WDR24: variants seen among roughly 807,000 people sequenced by gnomAD.
WDR24 encodes GATOR2 complex protein WDR24.
In WDR24, 32 loss-of-function variants were observed where a neutral mutation model predicts 66.7. That is an observed-to-expected ratio of 0.48 (90% CI 0.36 to 0.64). The LOEUF is 0.64. Ranked by LOEUF, WDR24 falls within the 30% of genes least tolerant of loss-of-function variation. WDR24 has a pLI of 0.00. For missense variants in WDR24, 978 were observed against 1,144.1 expected (o/e 0.85, Z 2.09); for synonymous variants, 565 against 469.1 (o/e 1.20, Z -2.64).
chr16:687,282 T>C lies in WDR24; in HGVS notation c.794A>G (p.His265Arg), dbSNP rs917064151. ...ARVKWRPECR[H>R]HLATCSMMVD... ...CATCATGGAGCACGTGGCCAGGTGGTGGCGGCACTCTGGCCGCCACTTCAC... is the reference window on the plus strand; with the variant it reads ...CATCATGGAGCACGTGGCCAGGTGGCGGCGGCACTCTGGCCGCCACTTCAC... The change falls in exon 3 of 9, where the codon CAC becomes CGC. Residue 265 changes from histidine (H) to arginine (R), a missense_variant. Physicochemically the swap from His to Arg is conservative, Grantham distance 29. This residue lies in a region of WDR24 where 302 missense variants were observed against 526.6 expected (regional missense o/e 0.57). Transcript: ENST00000293883. 25 of 1,611,300 alleles carry C rather than the reference T, an allele frequency of 1.6e-5. No individual in the cohort carries two copies. Among genetic ancestry groups the C allele is most frequent in the Non-Finnish European group, 2.0e-5 (24 of 1,179,766 alleles).
At chr16:686,410 G>T (rs968717818) in intron 3 of WDR24, among the ~76,000 whole-genome samples, 14 of 152,338 alleles carry the variant, frequency 9.2e-5, no homozygotes, top group African/African-American at 3.4e-4. Flanking sequence ...GTGGGGACTT[G>T]CGGGGCAGCT....
chr16:688,433 G>A (rs1431087343), intron 1 of WDR24, among the ~76,000 whole-genome samples: 4 of 152,208 alleles, frequency 2.6e-5, no homozygotes, highest in Non-Finnish European at 5.9e-5. Flanking sequence ...GATTACAGGC[G>A]CGTGCCACTG....
In WDR24 at chr16:685,881, TGA is replaced by T. The variant is rs764945381; in HGVS notation, c.1559_1560del (p.Leu520HisfsTer4). ...DTVLLDSSAT[L>X]ITNEDNEETE... ...CACCCCAGCCTACCCTCATTGGTGA[TGA>T]GTGTGGCCGAGGAGTCGAGCAGAAC... On this transcript the variant is annotated frameshift_variant, in exon 5 of 9. Coordinates refer to ENST00000293883, the MANE Select transcript of WDR24 (RefSeq NM_032259.4). LOFTEE classifies it high-confidence loss of function. The T allele has an allele frequency of 1.2e-6, 2 of 1,612,900 alleles. No homozygotes were observed. Among genetic ancestry groups the T allele is most frequent in the African/African-American group, 1.3e-5 (1 of 74,842 alleles).
Position 690,133 on chromosome 16 carries a change from G to A in WDR24, c.-493C>T, listed in dbSNP as rs2039949879. 2 of 441,580 alleles carry A rather than the reference G, an allele frequency of 4.5e-6. No individual in the cohort carries two copies. The highest frequency in any genetic ancestry group is 2.5e-5 in the Admixed American group (1 of 40,644). 27.4% of individuals were successfully genotyped at this position (441,580 alleles called of 1,614,324 possible). A position where few individuals can be genotyped will look rare whatever the true frequency, so the allele number is the denominator to read the frequency against. On this transcript the variant is annotated 5_prime_UTR_variant, in exon 1 of 9. Coordinates refer to ENST00000293883, the MANE Select transcript of WDR24 (RefSeq NM_032259.4). Reference sequence around the variant, plus strand: ...AGGGAACAGAGGGCTAGAGGGGCCCGGGGACTCAGGCGATAGACGCGGGAA... The same window carrying A: ...AGGGAACAGAGGGCTAGAGGGGCCCAGGGACTCAGGCGATAGACGCGGGAA...
intron 3 of WDR24, 71 bp downstream of exon 3, chr16:686,673 C>T (rs770697939): frequency 4.6e-6 from 7 of 1,508,228 alleles, no homozygotes; most frequent in Non-Finnish European, 6.2e-6. Flanking sequence ...GGGGTGAGCG[C>T]AGCTGACGGA....
rs767920180 is a variant in WDR24, at chr16:685,885, T to C, written c.1557A>G (p.Thr519=). The C allele has an allele frequency of 1.4e-5, 22 of 1,612,164 alleles. No homozygotes were observed. Among genetic ancestry groups the C allele is most frequent in the Admixed American group, 1.7e-5 (1 of 59,918 alleles). Residue 519 remains threonine (T), a synonymous_variant, in exon 5 of 9, where the codon ACA becomes ACG. Coordinates refer to ENST00000293883, the MANE Select transcript of WDR24 (RefSeq NM_032259.4). ...CCAGCCTACCCTCATTGGTGATGAG[T>C]GTGGCCGAGGAGTCGAGCAGAACTG... The part of the protein sequence containing the change: ...SDTVLLDSSA[T]LITNEDNEET...
rs746140265 is a variant in WDR24 at position 689,434 on chromosome 16, G to C, written c.207C>G (p.Arg69=). Residue 69 remains arginine, a synonymous_variant, in exon 1 of 9, where the codon CGC becomes CGG. Coordinates refer to ENST00000293883, the MANE Select transcript of WDR24 (RefSeq NM_032259.4). ...CACAGCTCAGGTTAAGCGAAGGCTT[G>C]CGCCCCACACGCAGGTTCAGCTTTT... The part of the protein sequence containing the change: ...FVEKLNLRVG[R]KPSLNLSCAD... 6.2e-7 allele frequency: 1 copy of C among 1,613,690 alleles called. No individual in the cohort carries two copies. The highest frequency in any genetic ancestry group is 1.7e-5 in the Admixed American group (1 of 60,028).
rs536126296 is a variant in WDR24 at position 685,132 on chromosome 16, G to A, written c.2064C>T (p.Arg688=). 11 of 1,562,078 alleles carry A rather than the reference G, an allele frequency of 7.0e-6. No homozygotes were observed. Among genetic ancestry groups the A allele is most frequent in the East Asian group, 4.8e-5 (2 of 41,530 alleles). ...CCACCTCGTTGGACACGTTCCAGAGGCGGAAGCGCTGCAGCAGGTCGATGT... is the reference window on the plus strand; with the variant it reads ...CCACCTCGTTGGACACGTTCCAGAGACGGAAGCGCTGCAGCAGGTCGATGT... The part of the protein sequence containing the change: ...TSYIDLLQRF[R]LWNVSNEVVK... Residue 688 remains arginine (R), a synonymous_variant, in exon 8 of 9, where the codon CGC becomes CGT. Coordinates refer to ENST00000293883, the MANE Select transcript of WDR24 (RefSeq NM_032259.4).
rs922770037 is a variant in WDR24 at position 690,332 on chromosome 16, T to C, written c.-692A>G. The C allele has an allele frequency of 1.9e-4, 86 of 455,694 alleles. No homozygotes were observed. Among genetic ancestry groups the C allele is most frequent in the Non-Finnish European group, 3.4e-4 (76 of 226,532 alleles). 28.2% of individuals were successfully genotyped at this position (455,694 alleles called of 1,614,324 possible). ...ACCAGAGGGCCCGGGGCAGCCCTTC[T>C]CCCCCGCGCGAACCCCAATCTTTTA... On this transcript the variant is annotated 5_prime_UTR_variant, in exon 1 of 9. Coordinates refer to ENST00000293883, the MANE Select transcript of WDR24 (RefSeq NM_032259.4).
rs753396009 is a variant in WDR24, at chr16:689,398, G to A, written c.243C>T (p.Val81=). The A allele has an allele frequency of 6.2e-7, 1 of 1,613,670 alleles. No homozygotes were observed. Among genetic ancestry groups the A allele is most frequent in the East Asian group, 2.2e-5 (1 of 44,886 alleles). Residue 81 remains valine (V), a synonymous_variant, in exon 1 of 9, where the codon GTC becomes GTT. Transcript: ENST00000293883. ...GCAGGTTCTCATCCATCTGGTGCCA[G>A]ACCACGTCAGCACAGCTCAGGTTAA... ...PSLNLSCADV[V]WHQMDENLLA... is the part of the protein sequence containing the mutation.
In WDR24 at chr16:687,654, C is replaced by T. The variant is rs1436375211; in HGVS notation, c.567G>A (p.Gln189=). 6.2e-7 allele frequency: 1 copy of T among 1,613,662 alleles called. No homozygotes were observed. Residue 189 remains glutamine (Q), a synonymous_variant, in exon 2 of 9, where the codon CAG becomes CAA. Coordinates refer to ENST00000293883, the MANE Select transcript of WDR24 (RefSeq NM_032259.4). ...GGTCGGGACGCCGGATGTCCCAGAG[C>T]TGCACATTGCCGTTCTCAAAGGTGG... ...FASTFENGNV[Q]LWDIRRPDRC...
chr16:685,076 C>T lies in WDR24; in HGVS notation c.2120G>A (p.Cys707Tyr), dbSNP rs1311105265. The part of the protein sequence containing the change: ...VKLSTSRAVS[C>Y]LNQASTTLHV... ...CAGGGTGGTGGAGGCCTGGTTGAGG[C>T]AGCTGACGGCGCGGCTGGTGCTCAG... Residue 707 changes from cysteine (C) to tyrosine (Y), a missense_variant, in exon 8 of 9, where the codon TGC (cysteine) becomes TAC (tyrosine). Physicochemically the swap from Cys to Tyr is radical, Grantham distance 194 (BLOSUM62 -2). Around this residue, in one of 2 missense-constraint regions of WDR24, gnomAD observed 676 missense variants for 617.5 expected, o/e 1.09. Coordinates refer to ENST00000293883, the MANE Select transcript of WDR24 (RefSeq NM_032259.4). 1.3e-6 allele frequency: 2 copies of T among 1,557,472 alleles called. No individual in the cohort carries two copies. The highest frequency in any genetic ancestry group is 1.7e-6 in the Non-Finnish European group (2 of 1,151,580).
chr16:687,085 C>T lies in WDR24; in HGVS notation c.991G>A (p.Ala331Thr), dbSNP rs772022945. 10 of 1,607,366 alleles carry T rather than the reference C, an allele frequency of 6.2e-6. No individual in the cohort carries two copies. The highest frequency in any genetic ancestry group is 4.0e-5 in the African/African-American group (3 of 74,876). Residue 331 changes from alanine to threonine, a missense_variant, in exon 3 of 9, where the codon GCC (alanine) becomes ACC (threonine). Transcript: ENST00000293883. ...TTGGCGCGCTCGACGGGCTGGCTGG[C>T]GTCGCGGAACAGGTGCTGGCACAGC... ...SSLCQHLFRD[A>T]SQPVERANPE...
intron 3 of WDR24, among the ~76,000 whole-genome samples, chr16:686,506 G>T (rs1418876269): frequency 6.6e-6 from 1 of 152,010 alleles, no homozygotes; most frequent in African/African-American, 2.4e-5. Context: ...AGAACAGAGA[G>T]CTTGAGCCAC....
intron 4 of WDR24, 26 bp from the exon 5 acceptor site, chr16:686,016 G>C (rs764931737): frequency 8.1e-6 from 13 of 1,612,690 alleles, no homozygotes; most frequent in Admixed American, 3.3e-5. Context: ...GCCCATGGGT[G>C]GGTGGGCTCG....
rs776362868 is a variant in WDR24, at chr16:684,830, G to C, written c.2277C>G (p.Gly759=). The change falls in exon 9 of 9, where the codon GGC becomes GGG. Residue 759 remains glycine (G), a synonymous_variant. Coordinates refer to ENST00000293883, the MANE Select transcript of WDR24 (RefSeq NM_032259.4). ...VVKGLFVWCQ[G]CSHGGHLQHI... The stretch of plus-strand genomic sequence containing the variant: ...GCTGCAGGTGGCCGCCGTGGCTGCA[G>C]CCCTGGCACCACACGAAGAGACCCT... 3 of 1,547,686 alleles carry C rather than the reference G, an allele frequency of 1.9e-6. No individual in the cohort carries two copies. The Admixed American group carries it at 5.8e-5, about 30-fold the overall frequency.
Position 686,971 on chromosome 16 carries a change from A to T in WDR24, c.1105T>A (p.Tyr369Asn), listed in dbSNP as rs764406605. Residue 369 changes from tyrosine (Y) to asparagine (N), a missense_variant, in exon 3 of 9, where the codon TAC becomes AAC. Tyr to Asn is a moderately radical substitution (Grantham distance 143). Transcript: ENST00000293883. ...LVAAESGRKP[Y>N]TGDRRHPIFF... is the part of the protein sequence containing the mutation. ...ATGGGGTGGCGCCGGTCGCCAGTGT[A>T]GGGCTTGCGCCCCGACTCGGCAGCC... is the stretch of plus-strand genomic sequence containing the variant. 2 of 1,599,914 alleles carry T rather than the reference A, an allele frequency of 1.3e-6. No individual in the cohort carries two copies. The highest frequency in any genetic ancestry group is 2.7e-5 in the African/African-American group (2 of 74,800).
Position 684,719 on chromosome 16 carries a change from C to T in WDR24, c.*15G>A. Reference sequence around the variant, plus strand: ...TCTGCACGCGGCCGCCCGGGCAAGCCCAGCAGATGCCCCGTCAGGAGTACT... The same window carrying T: ...TCTGCACGCGGCCGCCCGGGCAAGCTCAGCAGATGCCCCGTCAGGAGTACT... On this transcript the variant is annotated 3_prime_UTR_variant, in exon 9 of 9. Coordinates refer to ENST00000293883, the MANE Select transcript of WDR24 (RefSeq NM_032259.4). The T allele has an allele frequency of 6.3e-7, 1 of 1,579,218 alleles. No individual in the cohort carries two copies.
At chr16:686,264 C>CA in intron 3 of WDR24, 78 bp from the exon 4 acceptor site, 1 of 1,496,300 alleles carries the variant, frequency 6.7e-7, no homozygotes, top group Admixed American at 1.8e-5. Flanking sequence ...CCTGGACAGT[C>CA]ACAAGCCCTC....
Sources: allele counts gnomAD v4.1 joint callset (sites outside exome capture counted in the v4.1 genomes callset), GRCh38; gene constraint gnomAD v4.1.1; regional missense constraint gnomAD v4.1.1; transcripts MANE v1.5; gene names NCBI Gene and HGNC (gene_info 2026-07-23, HGNC 2026-07-21).